The following NUTM1 variants were observed in gnomAD, a reference collection of about 807,000 sequenced individuals.
NUTM1 encodes NUT family member 1.
NUTM1 carries 39 observed loss-of-function variants against 88.7 expected under a neutral mutation model. The ratio of observed to expected loss-of-function variants is 0.44; its 90% CI spans 0.34 to 0.57. NUTM1 has a LOEUF of 0.57. NUTM1 is among the 20% of genes least tolerant of loss of function. The pLI, the probability that NUTM1 is intolerant of heterozygous loss-of-function variation, is 0.01. For synonymous variants in NUTM1, 494 were observed against 538.0 expected, an observed-to-expected ratio of 0.92 and a Z score of 1.13; for missense variants, 1,350 against 1,414.5, an observed-to-expected ratio of 0.95 and a Z score of 0.73.
rs758370935 is a variant in NUTM1, at chr15:34,355,056, TCTG to T, written c.1402_1404del (p.Leu468del). The T allele has an allele frequency of 6.2e-7, 1 of 1,614,066 alleles. No homozygotes were observed. The highest frequency in any genetic ancestry group is 8.5e-7 in the Non-Finnish European group (1 of 1,179,898). ...TCATTCACCCTCAATTTCTGGCAGA[TCTG>T]CTGTCCCCAGAAAAACAGAGAGATC... On this transcript the variant is annotated inframe_deletion, in exon 7 of 8. Coordinates refer to ENST00000537011, the MANE Select transcript of NUTM1 (RefSeq NM_001284292.2). The surrounding 1 kb of genome is among the most constrained non-coding windows in gnomAD (Gnocchi z 4.3).
At chr15:34,347,927 C>T (rs745398613) in intron 2 of NUTM1, 42 bp from the exon 3 acceptor site, 1 of 1,280,654 alleles carries the variant, frequency 7.8e-7, no homozygotes, top group Non-Finnish European at 1.1e-6. Context: ...CTCTGGTCTT[C>T]TTTTCTCCTA....
In NUTM1 at chr15:34,350,736, C is replaced by G; in HGVS notation, c.842C>G (p.Pro281Arg). The G allele has an allele frequency of 6.2e-7, 1 of 1,613,226 alleles. No individual in the cohort carries two copies. The highest frequency in any genetic ancestry group is 8.5e-7 in the Non-Finnish European group (1 of 1,179,874). Residue 281 changes from proline (P) to arginine (R), a missense_variant, in exon 4 of 8, where the codon CCC becomes CGC. By Grantham distance (103) the Pro-to-Arg change is moderately radical. Transcript: ENST00000537011. The part of the protein sequence containing the change: ...PVLRSLARLK[P>R]TMTLEEGLPL... ...CTTCGTTCCCTGGCCCGGCTGAAGCCCACTATGACCCTGGAGGAGGGACTG... is the reference window on the plus strand; with the variant it reads ...CTTCGTTCCCTGGCCCGGCTGAAGCGCACTATGACCCTGGAGGAGGGACTG...
At position 34,355,164 on chromosome 15, in the gene NUTM1, G is replaced by A. The variant is rs1381467616; in HGVS notation, c.1479+27G>A. The A allele has an allele frequency of 4.2e-6, 6 of 1,420,856 alleles. No homozygotes were observed. The highest frequency in any genetic ancestry group is 6.0e-6 in the Non-Finnish European group (6 of 1,005,014). 88.0% of individuals were successfully genotyped at this position (1,420,856 alleles called of 1,614,324 possible). On this transcript the variant is annotated intron_variant, in intron 7 of 7. Transcript: ENST00000537011. This position sits in a 1 kb window ranked among gnomAD's most constrained non-coding sequence, Gnocchi z 4.3. ...TAAAACTGGGGTATAGGAAATATGA[G>A]AACGAGAAGCTTGCAAGATTTTATC... is the stretch of plus-strand genomic sequence containing the variant.
intron 4 of NUTM1, among the ~76,000 whole-genome samples, chr15:34,351,865 C>A (rs548712157): frequency 4.9e-5 from 5 of 102,536 alleles, no homozygotes; most frequent in African/African-American, 1.9e-4. Flanking sequence ...TCTATAATAT[C>A]TTTGATTAAA....
At chr15:34,353,979 C>G in intron 5 of NUTM1, 107 bp downstream of exon 5, 1 of 1,282,420 alleles carries the variant, frequency 7.8e-7, no homozygotes, top group Non-Finnish European at 1.1e-6. Context: ...CTGCCACTTT[C>G]CCTCTGGAGA....
In NUTM1 at chr15:34,348,039, C is replaced by T; in HGVS notation, c.171C>T (p.Pro57=). The change falls in exon 3 of 8, where the codon CCC becomes CCT. Residue 57 remains proline, a synonymous_variant. Transcript: ENST00000537011. ...CCCCGTCTCCATCCCCTGCACTTCCCTTTCTCCCACCAACTTCTGACCCAC... is the reference window on the plus strand; with the variant it reads ...CCCCGTCTCCATCCCCTGCACTTCCTTTTCTCCCACCAACTTCTGACCCAC... ...SAAPSPSPAL[P]FLPPTSDPPD... The T allele has an allele frequency of 1.2e-6, 2 of 1,614,098 alleles. No homozygotes were observed. Among genetic ancestry groups the T allele is most frequent in the Non-Finnish European group, 1.7e-6 (2 of 1,180,000 alleles).
In NUTM1 at chr15:34,357,214, A is replaced by G. The variant is rs1375800202; in HGVS notation, c.3206A>G (p.His1069Arg). 2.5e-6 allele frequency: 4 copies of G among 1,614,120 alleles called. No individual in the cohort carries two copies. The highest frequency in any genetic ancestry group is 3.3e-5 in the Admixed American group (2 of 60,022). The change falls in exon 8 of 8, where the codon CAT becomes CGT. Residue 1069 changes from histidine (H) to arginine (R), a missense_variant. His to Arg is a conservative substitution (Grantham distance 29). Transcript: ENST00000537011. ...SPREHPLSPH[H>R]ASGGQGSQRA... is the part of the protein sequence containing the mutation. ...AGGGAGCATCCCCTCAGTCCTCACC[A>G]TGCCTCAGGAGGTCAGGGCAGCCAG...
Position 34,343,491 on chromosome 15 carries a change from AAGAAG to A in NUTM1, c.-203_-199del. The A allele has an allele frequency of 8.2e-7, 1 of 1,216,608 alleles. No homozygotes were observed. Among genetic ancestry groups the A allele is most frequent in the Non-Finnish European group, 1.1e-6 (1 of 885,530 alleles). The allele number at this position is 1,216,608 out of a possible 1,614,324, so 75.4% of individuals were successfully genotyped here. ...CAGAGCCCCTTTACCCTAGGGAAGA[AAGAAG>A]AGGTTTTCTTCCCTCCCCTCTTTTA... On this transcript the variant is annotated 5_prime_UTR_variant, in exon 1 of 8. Coordinates refer to ENST00000537011, the MANE Select transcript of NUTM1 (RefSeq NM_001284292.2).
At chr15:34,348,698 T>C in intron 3 of NUTM1, 21 bp downstream of exon 3, 1 of 1,515,368 alleles carries the variant, frequency 6.6e-7, no homozygotes, top group Non-Finnish European at 9.1e-7. Flanking sequence ...AGACCGGAGA[T>C]TAATTATTCT....
intron 3 of NUTM1, among the ~76,000 whole-genome samples, chr15:34,349,171 C>T (rs1890663131): frequency 6.6e-6 from 1 of 152,192 alleles, no homozygotes; most frequent in South Asian, 2.1e-4. Flanking sequence ...CTGCTCCCTC[C>T]ACTCATTTTA....
rs562374781 is a variant in NUTM1, at chr15:34,343,654, G to T, written c.-43G>T. The T allele has an allele frequency of 1.0e-5, 16 of 1,535,002 alleles. No individual in the cohort carries two copies. The East Asian group carries it at 3.2e-4, about 30-fold the overall frequency. ...AAGCATGTTTCAGCGGTCGAACCAA[G>T]ATTTAAAGTTAGGTCCCTACCGCAA... On this transcript the variant is annotated 5_prime_UTR_variant, in exon 1 of 8. Transcript: ENST00000537011.
Position 34,354,023 on chromosome 15 carries a change from A to T in NUTM1, c.1075+151A>T, listed in dbSNP as rs2140158652. 4 of 861,180 alleles carry T rather than the reference A, an allele frequency of 4.6e-6. No homozygotes were observed. The East Asian group carries it at 1.0e-4, about 23-fold the overall frequency. 53.3% of individuals were successfully genotyped at this position (861,180 alleles called of 1,614,324 possible). A position where few individuals can be genotyped will look rare whatever the true frequency, so the allele number is the denominator to read the frequency against. ...TGATATTCCAAACAGACCACCCCAT[A>T]GGAGGCTGGGTTCTCAGGTTCCTTT... On this transcript the variant is annotated intron_variant, in intron 5 of 7. Transcript: ENST00000537011.
In NUTM1 at chr15:34,354,513, ACCT is replaced by A. The variant is rs1481211943; in HGVS notation, c.1147_1149del (p.Pro383del). On this transcript the variant is annotated inframe_deletion, in exon 6 of 8. Coordinates refer to ENST00000537011, the MANE Select transcript of NUTM1 (RefSeq NM_001284292.2). ...GCCGGCGTCAGCGTAAAGCCCAGAG[ACCT>A]CCTGCTCCTGAGGCACCCAAGGAGA... 1 of 1,613,898 alleles carries A rather than the reference ACCT, an allele frequency of 6.2e-7. No homozygotes were observed. Among genetic ancestry groups the A allele is most frequent in the African/African-American group, 1.3e-5 (1 of 74,940 alleles).
Position 34,355,443 on chromosome 15 carries a change from T to G in NUTM1, c.1480-45T>G. ...CTTGTGCCACCCACTCAGCCACCTC[T>G]TTCACAACCACGTATAGAACTGACT... On this transcript the variant is annotated intron_variant, in intron 7 of 7. Coordinates refer to ENST00000537011, the MANE Select transcript of NUTM1 (RefSeq NM_001284292.2). This position sits in a 1 kb window ranked among gnomAD's most constrained non-coding sequence, Gnocchi z 4.3. The G allele has an allele frequency of 6.2e-7, 1 of 1,609,202 alleles. No individual in the cohort carries two copies. Among genetic ancestry groups the G allele is most frequent in the Non-Finnish European group, 8.5e-7 (1 of 1,177,624 alleles).
rs772339207 is a variant in NUTM1 at position 34,356,069 on chromosome 15, G to C, written c.2061G>C (p.Gln687His). ...QGLEKQVLGL[Q>H]KGQQTGGRGV... ...TAGAAAAGCAAGTCCTGGGATTGCA[G>C]AAAGGACAACAAACAGGGGGTCGTG... The change falls in exon 8 of 8, where the codon CAG (glutamine) becomes CAC (histidine). Residue 687 changes from glutamine (Q) to histidine (H), a missense_variant. Around this residue, in one of 5 missense-constraint regions of NUTM1, gnomAD observed 730 missense variants for 728.8 expected, o/e 1.00. Transcript: ENST00000537011. The C allele has an allele frequency of 6.2e-7, 1 of 1,614,058 alleles. No homozygotes were observed. Among genetic ancestry groups the C allele is most frequent in the South Asian group, 1.1e-5 (1 of 91,080 alleles).
rs997030593 is a variant in NUTM1 at position 34,354,506 on chromosome 15, C to A, written c.1136C>A (p.Ala379Asp). ...GCCCCCCGCCGGCGTCAGCGTAAAG[C>A]CCAGAGACCTCCTGCTCCTGAGGCA... is the stretch of plus-strand genomic sequence containing the variant. ...TRAPRRRQRK[A>D]QRPPAPEAPK... Residue 379 changes from alanine (A) to aspartate (D), a missense_variant, in exon 6 of 8, where the codon GCC becomes GAC. Physicochemically the swap from Ala to Asp is moderately radical, Grantham distance 126. Transcript: ENST00000537011. 1 of 1,614,168 alleles carries A rather than the reference C, an allele frequency of 6.2e-7. No homozygotes were observed.
At chr15:34,352,563 G>C (rs900326072) in intron 4 of NUTM1, among the ~76,000 whole-genome samples, 2 of 151,672 alleles carry the variant, frequency 1.3e-5, no homozygotes, top group Admixed American at 6.6e-5. Context: ...TTTTGGGAGG[G>C]TGAGGCGGGC....
intron 2 of NUTM1, among the ~76,000 whole-genome samples, chr15:34,347,350 T>G (rs1890611794): frequency 6.6e-6 from 1 of 151,994 alleles, no homozygotes; most frequent in Admixed American, 6.6e-5. Flanking sequence ...CTCAACTTCT[T>G]GGGCTCAAGC....
In NUTM1 at chr15:34,356,562, C is replaced by G; in HGVS notation, c.2554C>G (p.Gln852Glu). Residue 852 changes from glutamine to glutamate, a missense_variant, in exon 8 of 8, where the codon CAG (glutamine) becomes GAG (glutamate). Gln to Glu is a conservative substitution (Grantham distance 29). Coordinates refer to ENST00000537011, the MANE Select transcript of NUTM1 (RefSeq NM_001284292.2). The part of the protein sequence containing the change: ...PPLRSKENQE[Q>E]SCETVGHPSD... ...CTTGAGGTCCAAAGAAAATCAAGAACAGAGCTGTGAAACCGTAGGGCATCC... is the reference window on the plus strand; with the variant it reads ...CTTGAGGTCCAAAGAAAATCAAGAAGAGAGCTGTGAAACCGTAGGGCATCC... The G allele has an allele frequency of 6.2e-7, 1 of 1,614,000 alleles. No individual in the cohort carries two copies.
Sources: allele counts gnomAD v4.1 joint callset (sites outside exome capture counted in the v4.1 genomes callset), GRCh38; gene constraint gnomAD v4.1.1; regional missense constraint gnomAD v4.1.1; non-coding constraint Gnocchi (gnomAD v3.1); transcripts MANE v1.5; gene names NCBI Gene and HGNC (gene_info 2026-07-23, HGNC 2026-07-21).